Variants in LTBP1 observed in about 807,000 individuals in gnomAD.
LTBP1 encodes the protein latent transforming growth factor beta binding protein 1, also known as latent-transforming growth factor beta-binding protein 1.
Under a neutral mutation model 207.6 loss-of-function variants are expected in LTBP1, and 129 were observed. The ratio of observed to expected loss-of-function variants is 0.62; its 90% CI spans 0.54 to 0.72. The LOEUF (loss-of-function observed/expected upper bound fraction) is 0.72, where lower values mean the gene tolerates loss of function less well. LTBP1 is among the 30% of genes least tolerant of loss of function. LTBP1 has a pLI of 0.00. For synonymous variants in LTBP1, 963 were observed against 833.7 expected, an observed-to-expected ratio of 1.16 and a Z score of -2.67; for missense variants, 2,281 against 2,217.2, an observed-to-expected ratio of 1.03 and a Z score of -0.58.
intron 19 of LTBP1, among the ~76,000 whole-genome samples, chr2:33,286,531 C>G (rs912302522): frequency 1.2e-4 from 19 of 152,084 alleles, no homozygotes; most frequent in African/African-American, 4.3e-4. Context: ...CAGCATGTAC[C>G]TTTTTCATAT....
chr2:33,284,793 C>G (rs978590365), intron 19 of LTBP1, among the ~76,000 whole-genome samples: 2 of 152,062 alleles, frequency 1.3e-5, no homozygotes, highest in Non-Finnish European at 2.9e-5. Context: ...GCTACATGAC[C>G]TCTCTGAAGC....
At chr2:33,016,131 T>C (rs939333563) in intron 2 of LTBP1, among the ~76,000 whole-genome samples, 5 of 152,050 alleles carry the variant, frequency 3.3e-5, no homozygotes, top group African/African-American at 1.2e-4. Flanking sequence ...TTGGAGGTTT[T>C]AATTGTTCTC....
At chr2:33,009,368 C>G (rs1687361889) in intron 2 of LTBP1, among the ~76,000 whole-genome samples, 1 of 152,164 alleles carries the variant, frequency 6.6e-6, no homozygotes, top group Non-Finnish European at 1.5e-5. Flanking sequence ...CCCAGTACCT[C>G]AGAATGTGAG....
At chr2:33,218,854 G>A (rs114127101) in intron 8 of LTBP1, among the ~76,000 whole-genome samples, 1,928 of 152,100 alleles carry the variant, frequency 0.013, 33 homozygotes, top group African/African-American at 0.039. Flanking sequence ...TCTTTGTACT[G>A]CAAGAAATTT....
At chr2:33,143,384 A>G (rs550080145) in intron 5 of LTBP1, among the ~76,000 whole-genome samples, 1 of 152,278 alleles carries the variant, frequency 6.6e-6, no homozygotes, top group South Asian at 2.1e-4. Context: ...TTGACAATAA[A>G]TTGTTTATGC....
chr2:33,274,686 G>A (rs1247373850), intron 16 of LTBP1, among the ~76,000 whole-genome samples: 2 of 152,162 alleles, frequency 1.3e-5, no homozygotes, highest in Non-Finnish European at 2.9e-5. Context: ...TCGTTATCAG[G>A]AGAATCCTTC....
At chr2:33,186,736 A>T (rs62146702) in intron 5 of LTBP1, 120 bp from the exon 6 acceptor site, 1 of 708,712 alleles carries the variant, frequency 1.4e-6, no homozygotes. Context: ...TACCATTTCT[A>T]AAGGTCATGG....
intron 3 of LTBP1, among the ~76,000 whole-genome samples, chr2:33,075,046 G>A (rs747115205): frequency 1.1e-4 from 17 of 152,106 alleles, no homozygotes; most frequent in African/African-American, 3.4e-4. Context: ...GTGAGACTCC[G>A]TCTCAAAAAA....
chr2:33,060,635 A>C (rs1427992254), intron 3 of LTBP1, among the ~76,000 whole-genome samples: 2 of 140,856 alleles, frequency 1.4e-5, no homozygotes, highest in African/African-American at 5.2e-5. Flanking sequence ...CGTTGTACTG[A>C]ATTTTAAATT....
intron 4 of LTBP1, among the ~76,000 whole-genome samples, chr2:33,115,387 C>A (rs572724743): frequency 1.3e-5 from 2 of 152,034 alleles, no homozygotes; most frequent in Non-Finnish European, 1.5e-5. Flanking sequence ...TAAGAGGTTT[C>A]TTTTGGGGTG....
chr2:33,061,569 C>A (rs2077272386), intron 3 of LTBP1: 1 of 152,092 alleles, frequency 6.6e-6, no homozygotes, highest in African/African-American at 2.4e-5. Context: ...AATGTGTACC[C>A]TTTTGTAGAA....
At chr2:33,340,880 T>C (rs1458603663) in intron 24 of LTBP1, among the ~76,000 whole-genome samples, 1 of 152,200 alleles carries the variant, frequency 6.6e-6, no homozygotes, top group East Asian at 1.9e-4. Flanking sequence ...TAGACTGTAA[T>C]AGGAAATAAA....
At chr2:32,976,816 C>T (rs948070754) in intron 2 of LTBP1, among the ~76,000 whole-genome samples, 1 of 152,228 alleles carries the variant, frequency 6.6e-6, no homozygotes, top group Non-Finnish European at 1.5e-5. Flanking sequence ...TCTCACTGAC[C>T]TGAAAGTGAG....
At chr2:33,161,532 G>C (rs1171862850) in intron 5 of LTBP1, among the ~76,000 whole-genome samples, 2 of 152,162 alleles carry the variant, frequency 1.3e-5, no homozygotes, top group African/African-American at 4.8e-5. Flanking sequence ...CTTCCAAAGT[G>C]TTGGCATTAC....
Position 32,999,627 on chromosome 2 carries a change from C to G in LTBP1, c.566-21282C>G, listed in dbSNP as rs1463845799. Among the ~76,000 whole-genome samples, 3 of 134,002 alleles carry G rather than the reference C, an allele frequency of 2.2e-5. 1 individual carries two copies. Among genetic ancestry groups the G allele is most frequent in the Non-Finnish European group, 4.9e-5 (3 of 60,932 alleles). 87.9% of individuals were successfully genotyped at this position (134,002 alleles called of 152,430 possible). Reference sequence around the variant, plus strand: ...CCAGAGGCGGCTGGGCGCGGTGGCTCACGCCTGTAATCCCAGCACTTTGGG... The same window carrying G: ...CCAGAGGCGGCTGGGCGCGGTGGCTGACGCCTGTAATCCCAGCACTTTGGG... On this transcript the variant is annotated intron_variant, in intron 2 of 33. Transcript: ENST00000404816.
intron 4 of LTBP1, among the ~76,000 whole-genome samples, chr2:33,133,801 G>A (rs182680451): frequency 6.6e-6 from 1 of 152,282 alleles, no homozygotes; most frequent in East Asian, 1.9e-4. Context: ...TGTAGAAAAT[G>A]CCAGTTTCAA....
chr2:33,335,264 A>G (rs929064194), intron 24 of LTBP1, among the ~76,000 whole-genome samples: 2 of 151,456 alleles, frequency 1.3e-5, no homozygotes, highest in Admixed American at 6.6e-5. Flanking sequence ...TTTGTTACCT[A>G]TGTCATTTCT....
chr2:33,089,512 C>T (rs2078957971), intron 3 of LTBP1, among the ~76,000 whole-genome samples: 1 of 152,188 alleles, frequency 6.6e-6, no homozygotes, highest in Non-Finnish European at 1.5e-5. Context: ...ATGCATCCTG[C>T]AGTGCACAAG....
intron 32 of LTBP1, among the ~76,000 whole-genome samples, chr2:33,396,175 G>GTT (rs555691297): frequency 3.1e-4 from 46 of 150,244 alleles, no homozygotes; most frequent in South Asian, 4.2e-4. Flanking sequence ...TTTTGGTTCT[G>GTT]TTTTTTTTTG....
Sources: allele counts gnomAD v4.1 joint callset (sites outside exome capture counted in the v4.1 genomes callset), GRCh38; gene constraint gnomAD v4.1.1; transcripts MANE v1.5; gene names NCBI Gene and HGNC (gene_info 2026-07-23, HGNC 2026-07-21).